SLC6A11: variants seen among roughly 807,000 people sequenced by gnomAD.
SLC6A11 encodes the protein solute carrier family 6 member 11.
In SLC6A11, 25 loss-of-function variants were observed where a neutral mutation model predicts 74.8. The observed-to-expected ratio is 0.33, with a 90% CI of 0.24 to 0.47. SLC6A11 has a LOEUF of 0.47. SLC6A11 is among the 20% of genes least tolerant of loss of function. SLC6A11 has a pLI of 1.00. For missense variants in SLC6A11, 574 were observed against 837.0 expected (o/e 0.69, Z 3.88); for synonymous variants, 330 against 330.2 (o/e 1.00, Z 0.01).
rs537159672 is a variant in SLC6A11 at position 10,868,061 on chromosome 3, T to C, written c.757-6900T>C. The stretch of plus-strand genomic sequence containing the variant: ...TTAAGTAAATAATACAAAGGTGCTA[T>C]GTGTATATGGCCAAAAAATACTGGG... On this transcript the variant is annotated intron_variant, in intron 5 of 13. Transcript: ENST00000254488. Among the ~76,000 whole-genome samples, 11 of 152,286 alleles carry C rather than the reference T, an allele frequency of 7.2e-5. No individual in the cohort carries two copies. In the South Asian group the frequency reaches 2.3e-3, roughly 32 times the overall value.
chr3:10,817,026 A>G (rs1391484817), intron 1 of SLC6A11, among the ~76,000 whole-genome samples: 1 of 152,196 alleles, frequency 6.6e-6, no homozygotes, highest in Non-Finnish European at 1.5e-5. Flanking sequence ...AGGTGAGGAC[A>G]CTGAGGGTCA....
At chr3:10,883,458 T>A in intron 6 of SLC6A11, among the ~76,000 whole-genome samples, 1 of 152,156 alleles carries the variant, frequency 6.6e-6, no homozygotes, top group East Asian at 1.9e-4. Context: ...TGGGGTCTGC[T>A]TTCTCCGGGC....
intron 5 of SLC6A11, among the ~76,000 whole-genome samples, chr3:10,846,790 AC>A (rs1481823311): frequency 6.6e-6 from 1 of 152,058 alleles, no homozygotes; most frequent in African/African-American, 2.4e-5. Context: ...CCTCTACCTT[AC>A]CAGTGGAGAA....
intron 6 of SLC6A11, among the ~76,000 whole-genome samples, chr3:10,905,571 C>T (rs981600062): frequency 6.6e-6 from 1 of 152,170 alleles, no homozygotes. Context: ...TACAGAGTAA[C>T]CTAGCAGTAA....
chr3:10,933,843 C>T, intron 11 of SLC6A11: 1 of 428,976 alleles, frequency 2.3e-6, no homozygotes, highest in Non-Finnish European at 4.2e-6. Context: ...GGGCCTGAGG[C>T]CAGGAGAGCT....
At chr3:10,925,740 T>A (rs1281272955) in intron 8 of SLC6A11, among the ~76,000 whole-genome samples, 2 of 152,068 alleles carry the variant, frequency 1.3e-5, no homozygotes, top group African/African-American at 4.8e-5. Flanking sequence ...CAGAGGAAGG[T>A]CCATGGATCA....
Position 10,875,190 on chromosome 3 carries a change from G to T in SLC6A11, c.891+95G>T, listed in dbSNP as rs1694893484. On this transcript the variant is annotated intron_variant, in intron 6 of 13. Coordinates refer to ENST00000254488, the MANE Select transcript of SLC6A11 (RefSeq NM_014229.3). Reference sequence around the variant, plus strand: ...ACTGGCCACTGAGATTCAACAGCTGGTTGAACAGTGGAAAGCCTGTGGACT... The same window carrying T: ...ACTGGCCACTGAGATTCAACAGCTGTTTGAACAGTGGAAAGCCTGTGGACT... 1.1e-5 allele frequency: 12 copies of T among 1,120,286 alleles called. No individual in the cohort carries two copies. In the South Asian group the frequency reaches 2.6e-4, roughly 24 times the overall value. 69.4% of individuals were successfully genotyped at this position (1,120,286 alleles called of 1,614,324 possible).
At chr3:10,919,202 TTGAG>T (rs1387838484) in intron 8 of SLC6A11, among the ~76,000 whole-genome samples, 3 of 152,134 alleles carry the variant, frequency 2.0e-5, no homozygotes, top group Admixed American at 6.5e-5. Flanking sequence ...TTATCATTGT[TTGAG>T]TGATTGTGCA....
chr3:10,844,460 C>A, intron 5 of SLC6A11, 114 bp downstream of exon 5: 1 of 1,284,058 alleles, frequency 7.8e-7, no homozygotes. Context: ...AAGTTGGGAG[C>A]GGGGAGGAAC....
At chr3:10,867,964 G>A (rs1010081041) in intron 5 of SLC6A11, among the ~76,000 whole-genome samples, 4 of 152,048 alleles carry the variant, frequency 2.6e-5, no homozygotes, top group Non-Finnish European at 4.4e-5. Flanking sequence ...TTCTGTTTAT[G>A]GTGGTAATTC....
intron 8 of SLC6A11, among the ~76,000 whole-genome samples, chr3:10,921,041 A>G (rs578157032): frequency 6.6e-6 from 1 of 152,218 alleles, no homozygotes; most frequent in South Asian, 2.1e-4. Context: ...ACTCAGTGGG[A>G]TGTCCCAGAA....
At chr3:10,912,805 T>C (rs989464712) in intron 7 of SLC6A11, among the ~76,000 whole-genome samples, 4 of 152,036 alleles carry the variant, frequency 2.6e-5, no homozygotes, top group African/African-American at 9.7e-5. Context: ...CTGCCCAAGG[T>C]CACCCAGCTC....
chr3:10,837,850 T>G (rs1456398533), intron 4 of SLC6A11, among the ~76,000 whole-genome samples: 2 of 152,138 alleles, frequency 1.3e-5, no homozygotes, highest in African/African-American at 2.4e-5. Context: ...ATGTGGAGAG[T>G]GCAGGGGACT....
At chr3:10,880,918 A>G (rs1694968044) in intron 6 of SLC6A11, among the ~76,000 whole-genome samples, 1 of 152,174 alleles carries the variant, frequency 6.6e-6, no homozygotes, top group Non-Finnish European at 1.5e-5. Context: ...CCCAGGGAGC[A>G]TGCAGTCTGA....
rs771886341 is a variant in SLC6A11, at chr3:10,886,992, T to C, written c.891+11897T>C. On this transcript the variant is annotated intron_variant, in intron 6 of 13. Coordinates refer to ENST00000254488, the MANE Select transcript of SLC6A11 (RefSeq NM_014229.3). ...CAAAGAATTTGTCTGTCTTATCCGC[T>C]GTGAACTTCTCAGCACCTGACACAG... Among the ~76,000 whole-genome samples, 11 of 152,250 alleles carry C rather than the reference T, an allele frequency of 7.2e-5. No individual in the cohort carries two copies. The East Asian group carries it at 2.1e-3, about 29-fold the overall frequency.
At chr3:10,922,488 A>C (rs1695549580) in intron 8 of SLC6A11, among the ~76,000 whole-genome samples, 1 of 152,214 alleles carries the variant, frequency 6.6e-6, no homozygotes, top group Non-Finnish European at 1.5e-5. Context: ...GAAGGGGAGA[A>C]GAGAAAATAT....
intron 4 of SLC6A11, among the ~76,000 whole-genome samples, chr3:10,835,987 C>T (rs529890301): frequency 6.6e-6 from 1 of 152,260 alleles, no homozygotes; most frequent in South Asian, 2.1e-4. Flanking sequence ...ACATTTATAT[C>T]CTCTAAATAA....
chr3:10,847,750 G>A (rs1360950176), intron 5 of SLC6A11, among the ~76,000 whole-genome samples: 1 of 152,172 alleles, frequency 6.6e-6, no homozygotes, highest in African/African-American at 2.4e-5. Context: ...TTTCAGGGGA[G>A]GATCTGGCAC....
At chr3:10,828,741 G>T (rs1251166843) in intron 4 of SLC6A11, among the ~76,000 whole-genome samples, 1 of 152,100 alleles carries the variant, frequency 6.6e-6, no homozygotes, top group Non-Finnish European at 1.5e-5. Flanking sequence ...CCTTGACCAT[G>T]CCCATGGAAT....
Sources: allele counts gnomAD v4.1 joint callset (sites outside exome capture counted in the v4.1 genomes callset), GRCh38; gene constraint gnomAD v4.1.1; transcripts MANE v1.5; gene names NCBI Gene and HGNC (gene_info 2026-07-23, HGNC 2026-07-21).